Variants in CYP4F2 observed in about 807,000 individuals in gnomAD.
CYP4F2 encodes the protein cytochrome P450 family 4 subfamily F member 2, also known as cytochrome P450 4F2.
CYP4F2 carries 58 observed loss-of-function variants against 58.9 expected under a neutral mutation model. The observed-to-expected ratio is 0.98, with a 90% confidence interval of 0.80 to 1.23. The LOEUF is 1.23. Among genes scored for constraint, CYP4F2 ranks in the 50% most tolerant of loss-of-function variants. The pLI, the probability that CYP4F2 is intolerant of heterozygous loss-of-function variation, is 0.00. For synonymous variants in CYP4F2, 287 were observed against 261.1 expected (o/e 1.10, Z -0.95); for missense variants, 616 against 685.6 (o/e 0.90, Z 1.13).
intron 3 of CYP4F2, among the ~76,000 whole-genome samples, chr19:15,893,213 A>G (rs998921870): frequency 6.6e-6 from 1 of 152,136 alleles, no homozygotes; most frequent in African/African-American, 2.4e-5. Context: ...TGACCCAAAT[A>G]TACTATAACA....
intron 9 of CYP4F2, among the ~76,000 whole-genome samples, chr19:15,884,195 C>T (rs1972396890): frequency 6.6e-6 from 1 of 152,110 alleles, no homozygotes; most frequent in Non-Finnish European, 1.5e-5. Context: ...GGAATTTTGT[C>T]ATTTGTGGCA....
chr19:15,878,949 G>C lies in CYP4F2; in HGVS notation c.1398-13C>G. 1.2e-6 allele frequency: 2 copies of C among 1,611,714 alleles called. No homozygotes were observed. Among genetic ancestry groups the C allele is most frequent in the South Asian group, 1.1e-5 (1 of 90,744 alleles). On this transcript the variant is annotated splice_polypyrimidine_tract_variant and intron_variant, in intron 12 of 12. Coordinates refer to ENST00000221700, the MANE Select transcript of CYP4F2 (RefSeq NM_001082.5). ...CCCGATGCAGTTCCTAGGGGAGGGA[G>C]GTGGGAACTCTGACTGCACCCAGGA...
In CYP4F2 at chr19:15,895,546, C is replaced by A; in HGVS notation, c.303G>T (p.Leu101Phe). Residue 101 changes from leucine to phenylalanine, a missense_variant, in exon 3 of 13, where the codon TTG (leucine) becomes TTT (phenylalanine). Leu to Phe is a conservative substitution (Grantham distance 22). Coordinates refer to ENST00000221700, the MANE Select transcript of CYP4F2 (RefSeq NM_001082.5). ...WMGPISPLLS[L>F]CHPDIIRSVI... ...CAGACCGGATGATGTCGGGGTGGCA[C>A]AAACTGAGGAGGGGGGAGATGGGTC... 3 of 1,547,736 alleles carry A rather than the reference C, an allele frequency of 1.9e-6. No homozygotes were observed. Among genetic ancestry groups the A allele is most frequent in the Non-Finnish European group, 2.6e-6 (3 of 1,156,608 alleles).
chr19:15,879,679 G>C lies in CYP4F2; in HGVS notation c.1250-11C>G. ...TGAGGCAGATAATGCCTGTGGGAGA[G>C]AAGGGAGCAGTCAGGAGAAGGCCTC... On this transcript the variant is annotated splice_polypyrimidine_tract_variant and intron_variant, in intron 10 of 12. Coordinates refer to ENST00000221700, the MANE Select transcript of CYP4F2 (RefSeq NM_001082.5). 1 of 1,614,144 alleles carries C rather than the reference G, an allele frequency of 6.2e-7. No homozygotes were observed. Among genetic ancestry groups the C allele is most frequent in the Non-Finnish European group, 8.5e-7 (1 of 1,180,030 alleles).
chr19:15,895,519 G>A lies in CYP4F2; in HGVS notation c.330C>T (p.Val110=), dbSNP rs2089442331. Residue 110 remains valine, a synonymous_variant, in exon 3 of 13, where the codon GTC becomes GTT. Coordinates refer to ENST00000221700, the MANE Select transcript of CYP4F2 (RefSeq NM_001082.5). ...SLCHPDIIRS[V]INASAAIAPK... ...TCCAGATGGTACCTGAGGCGTTGAT[G>A]ACAGACCGGATGATGTCGGGGTGGC... 1 of 1,531,186 alleles carries A rather than the reference G, an allele frequency of 6.5e-7. No individual in the cohort carries two copies. Among genetic ancestry groups the A allele is most frequent in the Non-Finnish European group, 8.7e-7 (1 of 1,149,142 alleles). The allele number at this position is 1,531,186 out of a possible 1,614,324, so 94.8% of individuals were successfully genotyped here. A position where few individuals can be genotyped will look rare whatever the true frequency, so the allele number is the denominator to read the frequency against.
chr19:15,887,492 A>G (rs999494380), intron 7 of CYP4F2, among the ~76,000 whole-genome samples: 2 of 151,722 alleles, frequency 1.3e-5, no homozygotes, highest in African/African-American at 2.4e-5. Context: ...ACACATAAAC[A>G]TAGACATAGA....
rs956424355 is a variant in CYP4F2 at position 15,889,332 on chromosome 19, G to T, written c.918+91C>A. 11 of 1,604,876 alleles carry T rather than the reference G, an allele frequency of 6.9e-6. No homozygotes were observed. In the African/African-American group the frequency reaches 1.3e-4, roughly 20 times the overall value. On this transcript the variant is annotated intron_variant, in intron 7 of 12. Coordinates refer to ENST00000221700, the MANE Select transcript of CYP4F2 (RefSeq NM_001082.5). ...CTCAATCACCTTCCATGGCTCCCTA[G>T]TGCCCTCTTAATCAAGTTCAAATCC...
At position 15,879,434 on chromosome 19, in the gene CYP4F2, G is replaced by C; in HGVS notation, c.1315-6C>G. On this transcript the variant is annotated splice_region_variant and splice_polypyrimidine_tract_variant and intron_variant, in intron 11 of 12. Transcript: ENST00000221700. ...AAGCGAAAGGGGTCGTAGACCTGGAGGTGAGACCAAGAAGGGTTGTTGGGT... is the reference window on the plus strand; with the variant it reads ...AAGCGAAAGGGGTCGTAGACCTGGACGTGAGACCAAGAAGGGTTGTTGGGT... The C allele has an allele frequency of 6.2e-7, 1 of 1,614,104 alleles. No individual in the cohort carries two copies. Among genetic ancestry groups the C allele is most frequent in the African/African-American group, 1.3e-5 (1 of 75,028 alleles).
chr19:15,897,353 T>G, intron 2 of CYP4F2, 61 bp downstream of exon 2: 10 of 925,400 alleles, frequency 1.1e-5, no homozygotes, highest in Non-Finnish European at 1.4e-5. Context: ...TCCCTAAGCC[T>G]CGTACCCCTC....
intron 9 of CYP4F2, among the ~76,000 whole-genome samples, chr19:15,880,439 T>C (rs574840778): frequency 9.9e-5 from 15 of 152,076 alleles, no homozygotes; most frequent in African/African-American, 2.9e-4. Flanking sequence ...CCATCCTAGC[T>C]AACACAGTGA....
intron 5 of CYP4F2, among the ~76,000 whole-genome samples, chr19:15,890,870 C>A (rs1036705010): frequency 3.9e-5 from 6 of 152,122 alleles, no homozygotes; most frequent in Non-Finnish European, 5.9e-5. Flanking sequence ...TACCATGGGG[C>A]AAAAATACAT....
chr19:15,892,470 C>A (rs2906878), intron 4 of CYP4F2, 34 bp from the exon 5 acceptor site: 2 of 1,613,964 alleles, frequency 1.2e-6, no homozygotes, highest in Non-Finnish European at 1.7e-6. Flanking sequence ...GGGCAAGGAC[C>A]TCTCCCTCCC....
intron 9 of CYP4F2, among the ~76,000 whole-genome samples, chr19:15,884,852 C>T (rs531703787): frequency 5.4e-4 from 82 of 152,240 alleles, no homozygotes; most frequent in Admixed American, 3.2e-3. Context: ...CTCTCCAGTA[C>T]GCCCTCCACA....
At position 15,879,909 on chromosome 19, in the gene CYP4F2, C is replaced by G. The variant is rs1258593068; in HGVS notation, c.1116-12G>C. On this transcript the variant is annotated splice_polypyrimidine_tract_variant and intron_variant, in intron 9 of 12. Transcript: ENST00000221700. ...GGGCCAGGTCGTCCCTAAGGAAACACCCCAGCCCCAATCCTTATCAAGGGA... is the reference window on the plus strand; with the variant it reads ...GGGCCAGGTCGTCCCTAAGGAAACAGCCCAGCCCCAATCCTTATCAAGGGA... 10 of 1,614,030 alleles carry G rather than the reference C, an allele frequency of 6.2e-6. No homozygotes were observed. In the Admixed American group the frequency reaches 1.5e-4, roughly 24 times the overall value.
At chr19:15,879,565 G>A (rs781012436) in intron 11 of CYP4F2, 39 bp downstream of exon 11, 2 of 1,612,838 alleles carry the variant, frequency 1.2e-6, no homozygotes, top group South Asian at 1.1e-5. Flanking sequence ...TCCTCTAGGA[G>A]CCTTGGAATG....
chr19:15,898,001 A>C lies in CYP4F2; in HGVS notation c.-2+25T>G, dbSNP rs373691596. ...TCCATCCCAGGCCAGGACCCCCCCCAGGCCTGCCACCCCCAGCCTGGCACC... is the reference window on the plus strand; with the variant it reads ...TCCATCCCAGGCCAGGACCCCCCCCCGGCCTGCCACCCCCAGCCTGGCACC... On this transcript the variant is annotated intron_variant, in intron 1 of 12. Coordinates refer to ENST00000221700, the MANE Select transcript of CYP4F2 (RefSeq NM_001082.5). 108 of 232,860 alleles carry C rather than the reference A, an allele frequency of 4.6e-4. 1 individual carries two copies. Among genetic ancestry groups the C allele is most frequent in the African/African-American group, 2.4e-3 (102 of 41,660 alleles). The allele number at this position is 232,860 out of a possible 1,614,324, so 14.4% of individuals were successfully genotyped here. A position where few individuals can be genotyped will look rare whatever the true frequency, so the allele number is the denominator to read the frequency against.
At position 15,892,588 on chromosome 19, in the gene CYP4F2, A is replaced by G. The variant is rs994411881; in HGVS notation, c.344-6T>C. 6.8e-6 allele frequency: 11 copies of G among 1,613,572 alleles called. No individual in the cohort carries two copies. The highest frequency in any genetic ancestry group is 9.3e-6 in the Non-Finnish European group (11 of 1,179,700). ...GTCCTTTGGTGCAATGGCAGCTGAC[A>G]TAAATGAGGACAATCAGGGGCCATG... On this transcript the variant is annotated splice_polypyrimidine_tract_variant and splice_region_variant and intron_variant, in intron 3 of 12. Coordinates refer to ENST00000221700, the MANE Select transcript of CYP4F2 (RefSeq NM_001082.5).
At chr19:15,892,708 G>T in intron 3 of CYP4F2, 126 bp from the exon 4 acceptor site, 1 of 1,413,736 alleles carries the variant, frequency 7.1e-7, no homozygotes, top group Non-Finnish European at 9.6e-7. Flanking sequence ...CAGGAAGAGG[G>T]CCAAGGGCAG....
chr19:15,897,760 A>G, intron 1 of CYP4F2, 148 bp from the exon 2 acceptor site: 1 of 986,052 alleles, frequency 1.0e-6, no homozygotes, highest in East Asian at 2.7e-5. Context: ...TGAGAGGTAA[A>G]GTCCAGAAAG....
Sources: gnomAD v4.1 joint callset for allele counts (sites outside exome capture counted in the v4.1 genomes callset) on GRCh38, gnomAD v4.1.1 for gene constraint, MANE v1.5 for transcripts, NCBI Gene and HGNC (gene_info 2026-07-23, HGNC 2026-07-21) for gene names.